MECOM: variants seen among roughly 807,000 people sequenced by gnomAD.
MECOM encodes MDS1 and EVI1 complex locus, also known as histone-lysine N-methyltransferase MECOM.
Under a neutral mutation model 116.3 loss-of-function variants are expected in MECOM, and 13 were observed. The ratio of observed to expected loss-of-function variants is 0.11; its 90% CI spans 0.07 to 0.18. MECOM has a LOEUF of 0.18. MECOM is among the 10% of genes least tolerant of loss of function. MECOM has a pLI of 1.00. For missense variants in MECOM, 1,299 were observed against 1,509.0 expected (o/e 0.86, Z 2.31); for synonymous variants, 528 against 535.2 (o/e 0.99, Z 0.19).
chr3:169,499,075 G>A (rs924905702), intron 1 of MECOM, among the ~76,000 whole-genome samples: 1 of 151,596 alleles, frequency 6.6e-6, no homozygotes, highest in Admixed American at 6.6e-5. Context: ...AGAGTTAAGA[G>A]ATATAAAACT....
intron 2 of MECOM, among the ~76,000 whole-genome samples, chr3:169,334,281 G>A (rs769819291): frequency 6.6e-6 from 1 of 152,078 alleles, no homozygotes; most frequent in Non-Finnish European, 1.5e-5. Context: ...ACAGAAAGAG[G>A]CAATGCAGTT....
At chr3:169,344,679 A>G (rs1725059634) in intron 2 of MECOM, among the ~76,000 whole-genome samples, 1 of 152,204 alleles carries the variant, frequency 6.6e-6, no homozygotes, top group Admixed American at 6.5e-5. Context: ...ACTAAGCATG[A>G]TCCACTCAGC....
chr3:169,634,091 A>G (rs1408424346), intron 1 of MECOM, among the ~76,000 whole-genome samples: 4 of 152,134 alleles, frequency 2.6e-5, no homozygotes, highest in African/African-American at 9.7e-5. Context: ...AAGAGCACTG[A>G]GATGCTCCTG....
At chr3:169,294,867 A>G (rs979625382) in intron 2 of MECOM, among the ~76,000 whole-genome samples, 1 of 152,076 alleles carries the variant, frequency 6.6e-6, no homozygotes, top group Admixed American at 6.5e-5. Context: ...TTGGGCTTAT[A>G]TTCATGCTCT....
chr3:169,319,148 C>T (rs1217624190), intron 2 of MECOM, among the ~76,000 whole-genome samples: 1 of 150,980 alleles, frequency 6.6e-6, no homozygotes, highest in East Asian at 1.9e-4. Flanking sequence ...CAGCACTATT[C>T]ACAATAGCAA....
chr3:169,215,846 AATG>A (rs1301511460), intron 2 of MECOM, among the ~76,000 whole-genome samples: 1 of 152,246 alleles, frequency 6.6e-6, no homozygotes, highest in African/African-American at 2.4e-5. Flanking sequence ...TCTCTCCAGA[AATG>A]ATGTGTCAGT....
intron 1 of MECOM, among the ~76,000 whole-genome samples, chr3:169,468,862 C>T (rs1310108150): frequency 6.6e-6 from 1 of 152,144 alleles, no homozygotes; most frequent in African/African-American, 2.4e-5. Flanking sequence ...ACAGACTCCC[C>T]TCATCTACCC....
At chr3:169,169,836 C>CG (rs576940968) in intron 2 of MECOM, among the ~76,000 whole-genome samples, 1 of 144,782 alleles carries the variant, frequency 6.9e-6, no homozygotes. Context: ...TACAGTTCTA[C>CG]TTTTTTTTTT....
intron 1 of MECOM, among the ~76,000 whole-genome samples, chr3:169,418,782 CCAATATCAT>C (rs1739191840): frequency 6.6e-6 from 1 of 151,976 alleles, no homozygotes; most frequent in East Asian, 1.9e-4. Flanking sequence ...AAACCCACAG[CCAATATCAT>C]ACTGAATTGG....
intron 1 of MECOM, among the ~76,000 whole-genome samples, chr3:169,457,499 C>G (rs1177044646): frequency 6.6e-6 from 1 of 152,130 alleles, no homozygotes; most frequent in African/African-American, 2.4e-5. Context: ...AAAAATTATT[C>G]ACTCTTCTTA....
At chr3:169,589,904 A>T (rs921305978) in intron 1 of MECOM, among the ~76,000 whole-genome samples, 16 of 152,212 alleles carry the variant, frequency 1.1e-4, no homozygotes, top group Non-Finnish European at 1.8e-4. Context: ...GAATCACTGC[A>T]ACAATTTTGT....
At chr3:169,109,842 T>A (rs1260926312) in intron 9 of MECOM, among the ~76,000 whole-genome samples, 2 of 152,216 alleles carry the variant, frequency 1.3e-5, no homozygotes, top group Non-Finnish European at 2.9e-5. Flanking sequence ...TATCACTGAT[T>A]AGGAATTATG....
At chr3:169,230,408 G>A (rs943120966) in intron 2 of MECOM, among the ~76,000 whole-genome samples, 1 of 152,022 alleles carries the variant, frequency 6.6e-6, no homozygotes, top group Non-Finnish European at 1.5e-5. Context: ...TGAGATACCA[G>A]GTTAAAAGTG....
chr3:169,510,626 A>ATTAACAAAGGTTAACAAAGG (rs143906757), intron 1 of MECOM, among the ~76,000 whole-genome samples: 1 of 152,250 alleles, frequency 6.6e-6, no homozygotes, highest in African/African-American at 2.4e-5. Context: ...CAGATGAAGC[A>ATTAACAAAGGTTAACAAAGG]TTAACAAAGG....
intron 2 of MECOM, among the ~76,000 whole-genome samples, chr3:169,155,258 C>G (rs541838945): frequency 6.6e-6 from 1 of 152,142 alleles, no homozygotes; most frequent in African/African-American, 2.4e-5. Flanking sequence ...GGAATTCCTA[C>G]CACTGCTGCC....
chr3:169,625,449 A>G (rs1178295942), intron 1 of MECOM, among the ~76,000 whole-genome samples: 1 of 152,148 alleles, frequency 6.6e-6, no homozygotes, highest in Non-Finnish European at 1.5e-5. Flanking sequence ...TACATACCAA[A>G]TTTACTTAAA....
intron 2 of MECOM, among the ~76,000 whole-genome samples, chr3:169,227,494 T>C (rs1005527295): frequency 6.6e-6 from 1 of 152,222 alleles, no homozygotes; most frequent in Admixed American, 6.5e-5. Context: ...TTCTTTTCTC[T>C]GTATCAGATC....
intron 1 of MECOM, among the ~76,000 whole-genome samples, chr3:169,530,385 G>A (rs1016526109): frequency 6.6e-6 from 1 of 152,162 alleles, no homozygotes; most frequent in Non-Finnish European, 1.5e-5. Flanking sequence ...TCATGAAAGC[G>A]CATTATGTGT....
chr3:169,351,088 T>C (rs1412024049), intron 2 of MECOM, among the ~76,000 whole-genome samples: 2 of 151,906 alleles, frequency 1.3e-5, no homozygotes, highest in Non-Finnish European at 2.9e-5. Context: ...GAATTATTCA[T>C]TCATTATATT....
Sources: gnomAD v4.1 joint callset for allele counts (sites outside exome capture counted in the v4.1 genomes callset) on GRCh38, gnomAD v4.1.1 for gene constraint, MANE v1.5 for transcripts, NCBI Gene and HGNC (gene_info 2026-07-23, HGNC 2026-07-21) for gene names.